The following FRMD5 variants were observed in gnomAD, a reference collection of about 807,000 sequenced individuals.
FRMD5 encodes FERM domain containing 5.
Under a neutral mutation model 69.0 loss-of-function variants are expected in FRMD5, and 20 were observed. That is an observed-to-expected ratio of 0.29 (90% CI 0.20 to 0.42). FRMD5 has a LOEUF of 0.42. Among genes scored for constraint, FRMD5 ranks in the 10% least tolerant of loss-of-function variants. The pLI is 1.00. For missense variants in FRMD5, 595 were observed against 708.6 expected (o/e 0.84, Z 1.82); for synonymous variants, 271 against 260.1 (o/e 1.04, Z -0.40).
At chr15:44,118,463 T>C (rs779952071) in intron 1 of FRMD5, among the ~76,000 whole-genome samples, 2 of 152,214 alleles carry the variant, frequency 1.3e-5, no homozygotes, top group African/African-American at 2.4e-5. Flanking sequence ...CTCTGTATTA[T>C]TTTAGCATAG....
chr15:43,972,044 A>G (rs1309348658), intron 1 of FRMD5, among the ~76,000 whole-genome samples: 1 of 146,590 alleles, frequency 6.8e-6, no homozygotes, highest in Non-Finnish European at 1.5e-5. Context: ...AAAAAAATAT[A>G]TATTTTTATA....
chr15:43,927,728 G>A (rs538039371), intron 1 of FRMD5, among the ~76,000 whole-genome samples: 1 of 150,666 alleles, frequency 6.6e-6, no homozygotes, highest in South Asian at 2.1e-4. Context: ...TGATCAGCTG[G>A]TGCTTTTTTT....
At chr15:43,906,232 T>C (rs980976194) in intron 5 of FRMD5, among the ~76,000 whole-genome samples, 13 of 152,110 alleles carry the variant, frequency 8.5e-5, no homozygotes, top group African/African-American at 3.1e-4. Context: ...AAATTTACAA[T>C]GAAAGAGCAG....
In FRMD5 at chr15:44,008,800, G is replaced by A. The variant is rs568334263; in HGVS notation, c.103-84491C>T. 6.8e-4 allele frequency among the ~76,000 whole-genome samples: 104 copies of A among 152,118 alleles called. 3 individuals carry two copies. Among genetic ancestry groups the A allele is most frequent in the Admixed American group, 6.7e-3 (102 of 15,278 alleles). On this transcript the variant is annotated intron_variant, in intron 1 of 13. Transcript: ENST00000417257. ...CCAGCACTTTGGGAGGCTGAGGCAGGCAGATCACCAGGTCAGAAGATCGAC... is the reference window on the plus strand; with the variant it reads ...CCAGCACTTTGGGAGGCTGAGGCAGACAGATCACCAGGTCAGAAGATCGAC...
At chr15:43,948,628 G>A (rs913474852) in intron 1 of FRMD5, among the ~76,000 whole-genome samples, 3 of 152,068 alleles carry the variant, frequency 2.0e-5, no homozygotes, top group Admixed American at 1.3e-4. Context: ...TTTTTCCAAA[G>A]TATGTATAAA....
intron 1 of FRMD5, among the ~76,000 whole-genome samples, chr15:44,104,505 C>G (rs74377183): frequency 6.6e-6 from 1 of 152,164 alleles, no homozygotes; most frequent in Non-Finnish European, 1.5e-5. Context: ...CCTGCAAGCT[C>G]TATTCATGGT....
At chr15:44,044,050 A>G (rs1892322225) in intron 1 of FRMD5, among the ~76,000 whole-genome samples, 2 of 152,206 alleles carry the variant, frequency 1.3e-5, no homozygotes, top group African/African-American at 2.4e-5. Context: ...AATATCCAGA[A>G]TCTACAAAGA....
At chr15:44,020,629 C>T (rs1427769450) in intron 1 of FRMD5, among the ~76,000 whole-genome samples, 1 of 152,204 alleles carries the variant, frequency 6.6e-6, no homozygotes, top group African/African-American at 2.4e-5. Context: ...TGAGTGACTT[C>T]TTTGCTAAAT....
intron 1 of FRMD5, among the ~76,000 whole-genome samples, chr15:44,160,901 A>C (rs993680516): frequency 3.9e-5 from 6 of 152,202 alleles, no homozygotes; most frequent in African/African-American, 7.2e-5. Flanking sequence ...TAGCCCTTTC[A>C]TAAGAAGGAA....
At chr15:44,108,019 CA>C (rs769161537) in intron 1 of FRMD5, among the ~76,000 whole-genome samples, 10 of 152,050 alleles carry the variant, frequency 6.6e-5, no homozygotes, top group Non-Finnish European at 1.2e-4. Context: ...AAGTCTAGAC[CA>C]GGGGTAAACA....
intron 1 of FRMD5, among the ~76,000 whole-genome samples, chr15:44,036,393 A>C (rs532587304): frequency 6.6e-6 from 1 of 151,460 alleles, no homozygotes; most frequent in South Asian, 2.1e-4. Context: ...TCTAATTACT[A>C]TTTCTGACTC....
rs528060038 is a variant in FRMD5 at position 43,987,684 on chromosome 15, G to A, written c.103-63375C>T. On this transcript the variant is annotated intron_variant, in intron 1 of 13. Transcript: ENST00000417257. Reference sequence around the variant, plus strand: ...CCTGCCTCAGCCTCCCAAGTAGCTGGGACTATAGGCATGCATCACCACGCC... The same window carrying A: ...CCTGCCTCAGCCTCCCAAGTAGCTGAGACTATAGGCATGCATCACCACGCC... Among the ~76,000 whole-genome samples the A allele has an allele frequency of 5.9e-5, 9 of 152,054 alleles. No homozygotes were observed. In the South Asian group the frequency reaches 1.9e-3, roughly 32 times the overall value.
rs75089659 is a variant in FRMD5, at chr15:44,074,463, T to G, written c.102+120490A>C. Among the ~76,000 whole-genome samples the G allele has an allele frequency of 2.3e-3, 350 of 152,190 alleles. 8 individuals are homozygous for G. In the East Asian group the frequency reaches 0.059, roughly 25 times the overall value. ...GAAACAGAAATAATTAACATGATCT[T>G]TGGCAGGAGAAAAAATGGAAATCAC... On this transcript the variant is annotated intron_variant, in intron 1 of 13. Coordinates refer to ENST00000417257, the MANE Select transcript of FRMD5 (RefSeq NM_032892.5).
chr15:44,144,630 C>G (rs2077328154), intron 1 of FRMD5, among the ~76,000 whole-genome samples: 1 of 152,198 alleles, frequency 6.6e-6, no homozygotes, highest in Non-Finnish European at 1.5e-5. Context: ...AGCTTGAAAA[C>G]CTCATCACCA....
At chr15:44,154,422 ACTTT>A (rs1320323028) in intron 1 of FRMD5, among the ~76,000 whole-genome samples, 2 of 152,158 alleles carry the variant, frequency 1.3e-5, no homozygotes, top group Admixed American at 6.5e-5. Context: ...CACCATGTTA[ACTTT>A]CTTTATCGGC....
intron 1 of FRMD5, among the ~76,000 whole-genome samples, chr15:44,047,131 AC>A (rs1411100193): frequency 6.6e-6 from 1 of 152,090 alleles, no homozygotes; most frequent in East Asian, 1.9e-4. Flanking sequence ...ACGTGGTGAA[AC>A]CCTGTCTTTA....
intron 1 of FRMD5, among the ~76,000 whole-genome samples, chr15:44,181,014 C>T (rs535074599): frequency 2.0e-5 from 3 of 152,134 alleles, no homozygotes; most frequent in African/African-American, 7.2e-5. Flanking sequence ...TAATCATAAA[C>T]ACATTTGGTT....
intron 11 of FRMD5, chr15:43,885,027 A>G: frequency 2.1e-6 from 1 of 471,724 alleles, no homozygotes; most frequent in Non-Finnish European, 3.8e-6. Flanking sequence ...AGGATCTTCC[A>G]TTCTCATTTA....
chr15:43,897,487 CAAAAAAAAA>C (rs34243475), intron 7 of FRMD5, among the ~76,000 whole-genome samples: 15 of 16,138 alleles, frequency 9.3e-4, no homozygotes, highest in African/African-American at 3.0e-3. Context: ...CACTCCATCT[CAAAAAAAAA>C]AAAAAAAAAA....
Sources: allele counts gnomAD v4.1 joint callset (sites outside exome capture counted in the v4.1 genomes callset), GRCh38; gene constraint gnomAD v4.1.1; transcripts MANE v1.5; gene names NCBI Gene and HGNC (gene_info 2026-07-23, HGNC 2026-07-21).